Variants in MGAT5 observed in about 807,000 individuals in gnomAD.
MGAT5 encodes alpha-1,6-mannosylglycoprotein 6-beta-N-acetylglucosaminyltransferase A.
Under a neutral mutation model 94.3 loss-of-function variants are expected in MGAT5, and 30 were observed. That is an observed-to-expected ratio of 0.32 (90% CI 0.24 to 0.43). MGAT5 has a LOEUF of 0.43. Among genes scored for constraint, MGAT5 ranks in the 20% least tolerant of loss-of-function variants. MGAT5 has a pLI of 1.00. For missense variants in MGAT5, 691 were observed against 905.5 expected (o/e 0.76, Z 3.04); for synonymous variants, 310 against 322.9 (o/e 0.96, Z 0.43).
chr2:134,419,103 C>T (rs1453861101), intron 12 of MGAT5, among the ~76,000 whole-genome samples: 1 of 152,230 alleles, frequency 6.6e-6, no homozygotes, highest in African/African-American at 2.4e-5. Flanking sequence ...TATCTTTTTA[C>T]ACCCACACAA....
chr2:134,403,498 A>G (rs1190800601), intron 11 of MGAT5, among the ~76,000 whole-genome samples: 1 of 152,210 alleles, frequency 6.6e-6, no homozygotes, highest in Non-Finnish European at 1.5e-5. Context: ...TCTTCCCCCA[A>G]CCCAATCATC....
intron 1 of MGAT5, among the ~76,000 whole-genome samples, chr2:134,208,459 A>G (rs1168047960): frequency 6.6e-6 from 1 of 152,234 alleles, no homozygotes; most frequent in East Asian, 1.9e-4. Flanking sequence ...GTCTTTGACC[A>G]TCAGCCAGAA....
At chr2:134,279,286 C>A (rs1458539490) in intron 2 of MGAT5, among the ~76,000 whole-genome samples, 1 of 152,058 alleles carries the variant, frequency 6.6e-6, no homozygotes, top group East Asian at 1.9e-4. Context: ...AAGTTTACTG[C>A]TAAATTGTTA....
chr2:134,332,725 C>G (rs199957401), intron 4 of MGAT5, among the ~76,000 whole-genome samples: 86 of 140,662 alleles, frequency 6.1e-4, no homozygotes, highest in African/African-American at 7.9e-4. Context: ...CTACAATGAA[C>G]TCAAACAAAT....
intron 4 of MGAT5, among the ~76,000 whole-genome samples, chr2:134,324,255 TA>T (rs747162892): frequency 1.3e-5 from 2 of 152,182 alleles, no homozygotes; most frequent in Non-Finnish European, 2.9e-5. Flanking sequence ...GATTGATTGC[TA>T]GATCTTAGGA....
In MGAT5 at chr2:134,166,524, T is replaced by G. The variant is rs560099427; in HGVS notation, c.-143+46233T>G. ...AACACATGAGGTCGATTTAGTATAT[T>G]ACAAGAACTGAACTTCATCTTTCAG... On this transcript the variant is annotated intron_variant, in intron 1 of 16. Coordinates refer to the MGAT5 transcript ENST00000409645. 4.8e-4 allele frequency among the ~76,000 whole-genome samples: 73 copies of G among 152,344 alleles called. 1 individual carries two copies. The highest frequency in any genetic ancestry group is 1.7e-3 in the African/African-American group (70 of 41,578).
chr2:134,189,602 G>GTTTTGTTTTTTTTT lies in MGAT5; in HGVS notation c.-142-64656_-142-64655insGTTTTTTTTTTTTT, dbSNP rs1553490380. ...AACCTCATGGCTCTAGTTTTTTTTTGTTTTTTTTTTTTTTTTTTAAGACAG... is the reference window on the plus strand; with the variant it reads ...AACCTCATGGCTCTAGTTTTTTTTTGTTTTGTTTTTTTTTTTTTTTTTTTTTTTTTTTAAGACAG... On this transcript the variant is annotated intron_variant, in intron 1 of 16. Coordinates refer to the MGAT5 transcript ENST00000409645. Among the ~76,000 whole-genome samples, 6 of 84,670 alleles carry GTTTTGTTTTTTTTT rather than the reference G, an allele frequency of 7.1e-5. 1 individual carries two copies. Among genetic ancestry groups the GTTTTGTTTTTTTTT allele is most frequent in the Admixed American group, 3.8e-4 (3 of 7,978 alleles). 55.5% of individuals were successfully genotyped at this position (84,670 alleles called of 152,430 possible).
At chr2:134,119,955 G>A (rs1685482875), upstream of MGAT5, 1 of 152,086 alleles carries the variant, frequency 6.6e-6, no homozygotes. Context: ...GCCCAGAAGC[G>A]GGGAGAAGTT....
At chr2:134,208,017 G>T (rs1680103293) in intron 1 of MGAT5, among the ~76,000 whole-genome samples, 1 of 152,150 alleles carries the variant, frequency 6.6e-6, no homozygotes, top group Non-Finnish European at 1.5e-5. Flanking sequence ...TTGTCACACT[G>T]TCCTAACCCT....
chr2:134,251,085 A>G (rs773349252), upstream of MGAT5, among the ~76,000 whole-genome samples: 1 of 152,168 alleles, frequency 6.6e-6, no homozygotes, highest in Non-Finnish European at 1.5e-5. Flanking sequence ...GCTCTTTACT[A>G]AAATAGTGAA....
In MGAT5 at chr2:134,139,395, T is replaced by C. The variant is rs1686563666; in HGVS notation, c.-143+19104T>C. 2.0e-5 allele frequency among the ~76,000 whole-genome samples: 3 copies of C among 151,612 alleles called. No homozygotes were observed. In the South Asian group the frequency reaches 6.3e-4, roughly 32 times the overall value. ...TTGTTTTTAGCACTCTGGCCGTGGC[T>C]GCTATCAATGAGGCAATTTTGTGTA... On this transcript the variant is annotated intron_variant, in intron 1 of 16. Transcript: ENST00000409645.
chr2:134,407,141 G>A (rs961475220), intron 11 of MGAT5, among the ~76,000 whole-genome samples: 9 of 152,160 alleles, frequency 5.9e-5, no homozygotes, highest in African/African-American at 1.9e-4. Flanking sequence ...TCACCAGCTA[G>A]GGACACTACC....
At chr2:134,175,762 G>C (rs1688432582) in intron 1 of MGAT5, among the ~76,000 whole-genome samples, 1 of 152,174 alleles carries the variant, frequency 6.6e-6, no homozygotes, top group Non-Finnish European at 1.5e-5. Context: ...AGCCAGGTTT[G>C]GGATTTCTCC....
chr2:134,203,036 G>A (rs538170636), intron 1 of MGAT5, among the ~76,000 whole-genome samples: 1 of 152,258 alleles, frequency 6.6e-6, no homozygotes, highest in East Asian at 1.9e-4. Flanking sequence ...GATTTATTTG[G>A]TGACTCATAT....
At chr2:134,260,450 G>T (rs2105556764) in intron 1 of MGAT5, among the ~76,000 whole-genome samples, 1 of 152,294 alleles carries the variant, frequency 6.6e-6, no homozygotes, top group East Asian at 1.9e-4. Flanking sequence ...GCCGAAGATT[G>T]CTCTGAAAGG....
Position 134,449,140 on chromosome 2 carries a change from G to A in MGAT5, c.*293G>A. The A allele has an allele frequency of 2.5e-6, 1 of 404,320 alleles. No individual in the cohort carries two copies. The highest frequency in any genetic ancestry group is 3.9e-5 in the Admixed American group (1 of 25,514). 25.0% of individuals were successfully genotyped at this position (404,320 alleles called of 1,614,324 possible). A position where few individuals can be genotyped will look rare whatever the true frequency, so the allele number is the denominator to read the frequency against. On this transcript the variant is annotated 3_prime_UTR_variant, in exon 16 of 16. Transcript: ENST00000281923. ...AGACTGTCACTGCAGCTGCTCCAGG[G>A]CAAAAGAAAGTCTCAAGAGTCCTTT...
intron 13 of MGAT5, among the ~76,000 whole-genome samples, chr2:134,426,139 T>C (rs1179663408): frequency 1.3e-5 from 2 of 152,200 alleles, no homozygotes; most frequent in Non-Finnish European, 2.9e-5. Context: ...AGCTTTCCAA[T>C]GCAGAAGCCC....
intron 2 of MGAT5, among the ~76,000 whole-genome samples, chr2:134,286,237 T>G (rs1684992600): frequency 6.6e-6 from 1 of 152,238 alleles, no homozygotes; most frequent in Admixed American, 6.5e-5. Context: ...TCTGCCCTCC[T>G]GTGACAGGCT....
intron 1 of MGAT5, among the ~76,000 whole-genome samples, chr2:134,256,990 G>T (rs1338582644): frequency 1.3e-5 from 2 of 152,140 alleles, no homozygotes; most frequent in Non-Finnish European, 2.9e-5. Flanking sequence ...GTCTCATTTG[G>T]TGCTGTTGAC....
Sources: gnomAD v4.1 joint callset for allele counts (sites outside exome capture counted in the v4.1 genomes callset) on GRCh38, gnomAD v4.1.1 for gene constraint, MANE v1.5 for transcripts, NCBI Gene and HGNC (gene_info 2026-07-23, HGNC 2026-07-21) for gene names.